NYAP2: variants seen among roughly 807,000 people sequenced by gnomAD.
NYAP2 encodes the protein neuronal tyrosine-phosphorylated phosphoinositide-3-kinase adaptor 2.
NYAP2 carries 23 observed loss-of-function variants against 50.4 expected under a neutral mutation model. That is an observed-to-expected ratio of 0.46 (90% CI 0.33 to 0.65). The LOEUF is 0.65. NYAP2 is among the 30% of genes least tolerant of loss of function. The pLI is 0.02. For synonymous variants in NYAP2, 394 were observed against 365.2 expected (o/e 1.08, Z -0.90); for missense variants, 885 against 861.0 (o/e 1.03, Z -0.35).
intron 3 of NYAP2, among the ~76,000 whole-genome samples, chr2:225,504,679 T>G (rs1160767622): frequency 1.3e-5 from 2 of 152,124 alleles, no homozygotes; most frequent in Non-Finnish European, 2.9e-5. Flanking sequence ...AGGTGAAATC[T>G]CCTACCAAGG....
chr2:225,399,268 A>G (rs1224808587), upstream of NYAP2, among the ~76,000 whole-genome samples: 1 of 152,050 alleles, frequency 6.6e-6, no homozygotes, highest in Non-Finnish European at 1.5e-5. Flanking sequence ...AAATTAATAG[A>G]TTAAAACATG....
At chr2:225,565,130 CA>C (rs576392809) in intron 4 of NYAP2, among the ~76,000 whole-genome samples, 334 of 132,650 alleles carry the variant, frequency 2.5e-3, no homozygotes, top group African/African-American at 4.0e-3. Context: ...CACTCCGTCT[CA>C]AAAAAAAAAA....
chr2:225,466,727 C>G (rs145437869), intron 3 of NYAP2, among the ~76,000 whole-genome samples: 1 of 152,192 alleles, frequency 6.6e-6, no homozygotes, highest in Non-Finnish European at 1.5e-5. Context: ...GGTATCTAAA[C>G]AATTCTGATC....
intron 3 of NYAP2, among the ~76,000 whole-genome samples, chr2:225,491,372 C>G (rs927504471): frequency 6.6e-6 from 1 of 152,132 alleles, no homozygotes; most frequent in African/African-American, 2.4e-5. Context: ...GCTTCTGGGT[C>G]CTACCACCTT....
At chr2:225,543,511 C>T (rs1691512727) in intron 4 of NYAP2, among the ~76,000 whole-genome samples, 1 of 151,920 alleles carries the variant, frequency 6.6e-6, no homozygotes, top group African/African-American at 2.4e-5. Flanking sequence ...TTCTTGGACC[C>T]ACTGGTCATT....
chr2:225,464,190 G>A (rs1689879475), intron 3 of NYAP2, among the ~76,000 whole-genome samples: 1 of 152,158 alleles, frequency 6.6e-6, no homozygotes, highest in Non-Finnish European at 1.5e-5. Flanking sequence ...CTAAATGCAG[G>A]ATGATTCTGA....
intron 3 of NYAP2, among the ~76,000 whole-genome samples, chr2:225,482,679 A>G (rs1690226275): frequency 6.6e-6 from 1 of 152,038 alleles, no homozygotes. Context: ...CTCCACCACC[A>G]CAGAGCCTAT....
intron 5 of NYAP2, among the ~76,000 whole-genome samples, chr2:225,601,486 G>A (rs1692690172): frequency 6.6e-6 from 1 of 152,042 alleles, no homozygotes; most frequent in South Asian, 2.1e-4. Context: ...CATAGCAGCT[G>A]TTTATTTTTT....
the NYAP2 span, among the ~76,000 whole-genome samples, chr2:225,679,630 G>A: frequency 8.0e-5 from 12 of 150,744 alleles, no homozygotes; most frequent in Non-Finnish European, 1.5e-4. Context: ...TAGTTGCTGA[G>A]ACTACAGGCA....
At chr2:225,642,770 GA>G (rs1445594151) in intron 6 of NYAP2, among the ~76,000 whole-genome samples, 4 of 152,194 alleles carry the variant, frequency 2.6e-5, no homozygotes, top group African/African-American at 9.6e-5. Context: ...GTTCTCTGAA[GA>G]AAAATCAAAT....
chr2:225,501,554 G>C (rs1690607830), intron 3 of NYAP2, among the ~76,000 whole-genome samples: 1 of 152,180 alleles, frequency 6.6e-6, no homozygotes, highest in South Asian at 2.1e-4. Context: ...AATAGAGCTA[G>C]AATTGTATGT....
rs1465908871 is a variant in NYAP2, at chr2:225,406,631, CATTT to C, written c.-17-2229_-17-2226del. On this transcript the variant is annotated intron_variant, in intron 2 of 6. Transcript: ENST00000636099. Reference sequence around the variant, plus strand: ...TAGGTGGCAGGAGCATGTGTACAAACATTTATTCAATTTTCATTACTTTGAAGTT... The same window carrying C: ...TAGGTGGCAGGAGCATGTGTACAAACATTCAATTTTCATTACTTTGAAGTT... Among the ~76,000 whole-genome samples the C allele has an allele frequency of 4.6e-5, 7 of 151,874 alleles. No homozygotes were observed. In the East Asian group the frequency reaches 1.4e-3, roughly 30 times the overall value.
intron 6 of NYAP2, among the ~76,000 whole-genome samples, chr2:225,641,935 C>A (rs1693541837): frequency 6.6e-6 from 1 of 151,756 alleles, no homozygotes; most frequent in African/African-American, 2.4e-5. Context: ...ACATAAAAAT[C>A]ATCTTTTAGA....
At chr2:225,405,679 G>A (rs1404323365) in intron 2 of NYAP2, among the ~76,000 whole-genome samples, 5 of 151,942 alleles carry the variant, frequency 3.3e-5, no homozygotes, top group African/African-American at 1.2e-4. Flanking sequence ...TAGTTCAGTT[G>A]TCTGAGAAAC....
At chr2:225,622,386 A>T (rs952030095) in intron 5 of NYAP2, among the ~76,000 whole-genome samples, 1 of 152,040 alleles carries the variant, frequency 6.6e-6, no homozygotes, top group African/African-American at 2.4e-5. Flanking sequence ...ACTGATTACC[A>T]TCCAAATGCC....
At chr2:225,624,677 A>G (rs1693177303) in intron 5 of NYAP2, among the ~76,000 whole-genome samples, 1 of 152,236 alleles carries the variant, frequency 6.6e-6, no homozygotes, top group South Asian at 2.1e-4. Flanking sequence ...TAGAAAAATT[A>G]AATAAACTAA....
chr2:225,642,725 A>G (rs1415720690), intron 6 of NYAP2, among the ~76,000 whole-genome samples: 1 of 152,202 alleles, frequency 6.6e-6, no homozygotes, highest in Admixed American at 6.5e-5. Context: ...AGCTCTTACT[A>G]CAGAACCATA....
intron 4 of NYAP2, among the ~76,000 whole-genome samples, chr2:225,539,796 T>A (rs1691424986): frequency 6.6e-6 from 1 of 152,216 alleles, no homozygotes; most frequent in African/African-American, 2.4e-5. Context: ...AATGGGATTT[T>A]CTTTTCTATC....
At chr2:225,570,501 G>A (rs781083974) in intron 4 of NYAP2, among the ~76,000 whole-genome samples, 9 of 152,156 alleles carry the variant, frequency 5.9e-5, no homozygotes, top group Non-Finnish European at 1.3e-4. Context: ...ATGGTGGATG[G>A]CACCTCTTCA....
Sources: gnomAD v4.1 joint callset for allele counts (sites outside exome capture counted in the v4.1 genomes callset) on GRCh38, gnomAD v4.1.1 for gene constraint, MANE v1.5 for transcripts, NCBI Gene and HGNC (gene_info 2026-07-23, HGNC 2026-07-21) for gene names.